CTNNA3: variants seen among roughly 807,000 people sequenced by gnomAD.
The protein encoded by CTNNA3 is catenin alpha-3.
A neutral mutation model predicts 95.7 loss-of-function variants in CTNNA3; 76 were observed. The observed-to-expected ratio is 0.79, with a 90% CI of 0.66 to 0.96. The LOEUF (loss-of-function observed/expected upper bound fraction) is 0.96, where lower values mean the gene tolerates loss of function less well. Among genes scored for constraint, CTNNA3 ranks in the 40% least tolerant of loss-of-function variants. The pLI is 0.00. For synonymous variants in CTNNA3, 431 were observed against 374.4 expected, an observed-to-expected ratio of 1.15 and a Z score of -1.74; for missense variants, 1,191 against 1,089.8, an observed-to-expected ratio of 1.09 and a Z score of -1.31.
intron 13 of CTNNA3, among the ~76,000 whole-genome samples, chr10:66,141,030 G>A (rs796237653): frequency 3.3e-5 from 5 of 152,050 alleles, no homozygotes; most frequent in African/African-American, 7.2e-5. Context: ...AGGCCGAGGC[G>A]GGAGGATCAC....
At chr10:67,530,195 G>A (rs1364017837) in intron 4 of CTNNA3, among the ~76,000 whole-genome samples, 3 of 152,138 alleles carry the variant, frequency 2.0e-5, no homozygotes, top group Admixed American at 6.5e-5. Flanking sequence ...AGTAGAGTGG[G>A]GTGCTGCTGT....
intron 1 of CTNNA3, among the ~76,000 whole-genome samples, chr10:67,741,174 G>A (rs1295354559): frequency 6.6e-6 from 1 of 150,900 alleles, no homozygotes; most frequent in Non-Finnish European, 1.5e-5. Context: ...TGGGGAGAGG[G>A]GGGAGAGATA....
At chr10:67,405,718 A>G (rs946662055) in intron 5 of CTNNA3, among the ~76,000 whole-genome samples, 4 of 152,208 alleles carry the variant, frequency 2.6e-5, no homozygotes, top group African/African-American at 9.6e-5. Flanking sequence ...AGATATCTAT[A>G]GAACTCTACA....
chr10:66,351,308 G>T (rs1204458090), intron 12 of CTNNA3, among the ~76,000 whole-genome samples: 2 of 151,994 alleles, frequency 1.3e-5, no homozygotes, highest in Non-Finnish European at 2.9e-5. Flanking sequence ...AACCCATGAG[G>T]TTGCTGTAAG....
chr10:67,309,278 A>C (rs1840685134), intron 5 of CTNNA3, among the ~76,000 whole-genome samples: 1 of 152,198 alleles, frequency 6.6e-6, no homozygotes, highest in African/African-American at 2.4e-5. Flanking sequence ...ACCAAGTAAA[A>C]AAATTATACT....
At chr10:66,339,999 T>C (rs6480160) in intron 12 of CTNNA3, among the ~76,000 whole-genome samples, 137,508 of 151,558 alleles carry the variant, frequency 0.91, 62,622 homozygotes, top group East Asian at 1. Context: ...GCATGATACT[T>C]ATTTGACTTC....
chr10:66,174,658 G>A lies in CTNNA3; in HGVS notation c.1885-71409C>T, dbSNP rs901335652. Among the ~76,000 whole-genome samples the A allele has an allele frequency of 6.6e-5, 10 of 151,902 alleles. No homozygotes were observed. The East Asian group carries it at 1.9e-3, about 29-fold the overall frequency. ...GTGAAACCTGATAGGATTCGATAGG[G>A]AGGGCTAATTTTTTGAATATACAGG... On this transcript the variant is annotated intron_variant, in intron 13 of 17. Coordinates refer to ENST00000433211, the MANE Select transcript of CTNNA3 (RefSeq NM_013266.4).
At chr10:66,958,689 C>T (rs1446605211) in intron 7 of CTNNA3, among the ~76,000 whole-genome samples, 2 of 152,050 alleles carry the variant, frequency 1.3e-5, no homozygotes, top group Non-Finnish European at 2.9e-5. Flanking sequence ...TGTTAAAATT[C>T]CAGCACCAGA....
At chr10:67,439,966 AG>A (rs1846438676) in intron 5 of CTNNA3, among the ~76,000 whole-genome samples, 1 of 152,180 alleles carries the variant, frequency 6.6e-6, no homozygotes, top group African/African-American at 2.4e-5. Context: ...GGAAACGTAA[AG>A]GGGGCTTTTT....
intron 13 of CTNNA3, among the ~76,000 whole-genome samples, chr10:66,142,593 T>C (rs142399192): frequency 9.9e-4 from 147 of 148,020 alleles, no homozygotes; most frequent in Non-Finnish European, 1.8e-3. Flanking sequence ...TTGGAAATAA[T>C]AGAGCCAGTT....
chr10:66,593,019 C>A (rs1843602831), intron 10 of CTNNA3, among the ~76,000 whole-genome samples: 1 of 152,108 alleles, frequency 6.6e-6, no homozygotes. Flanking sequence ...TTTTCAGAAT[C>A]ATGCCACTAA....
intron 11 of CTNNA3, among the ~76,000 whole-genome samples, chr10:66,507,225 C>G (rs1199081011): frequency 2.0e-5 from 3 of 151,838 alleles, no homozygotes; most frequent in Non-Finnish European, 4.4e-5. Flanking sequence ...TTCAATTTTA[C>G]TTGACACATA....
chr10:66,367,782 G>A (rs2092720749), intron 12 of CTNNA3, among the ~76,000 whole-genome samples: 1 of 147,966 alleles, frequency 6.8e-6, no homozygotes, highest in South Asian at 2.1e-4. Flanking sequence ...AGAGGATAGC[G>A]AATTGCTTTC....
chr10:67,612,752 G>A (rs181262532), intron 2 of CTNNA3, among the ~76,000 whole-genome samples: 1 of 152,212 alleles, frequency 6.6e-6, no homozygotes, highest in African/African-American at 2.4e-5. Context: ...CTAACCTGAA[G>A]CAGAAACCCA....
chr10:67,488,872 G>A (rs999303823), intron 5 of CTNNA3, among the ~76,000 whole-genome samples: 1 of 151,880 alleles, frequency 6.6e-6, no homozygotes, highest in Non-Finnish European at 1.5e-5. Context: ...GTTTTGCCAT[G>A]TTACCCAGGC....
At chr10:67,228,673 T>A (rs1325195976) in intron 5 of CTNNA3, among the ~76,000 whole-genome samples, 1 of 151,610 alleles carries the variant, frequency 6.6e-6, no homozygotes, top group Admixed American at 6.6e-5. Context: ...ATACAAAAGA[T>A]CATTCAAGGC....
At chr10:67,744,018 G>A (rs1841359181) in intron 1 of CTNNA3, among the ~76,000 whole-genome samples, 2 of 151,258 alleles carry the variant, frequency 1.3e-5, no homozygotes, top group South Asian at 2.1e-4. Flanking sequence ...CAAACAAATG[G>A]AAGAACATTC....
intron 13 of CTNNA3, among the ~76,000 whole-genome samples, chr10:66,162,895 G>T (rs1004101883): frequency 2.0e-5 from 3 of 151,812 alleles, no homozygotes; most frequent in Admixed American, 6.6e-5. Context: ...CAGCTGCTGT[G>T]GGGGGTGGGG....
chr10:67,703,960 C>G (rs1166345778), intron 1 of CTNNA3, among the ~76,000 whole-genome samples: 18 of 152,302 alleles, frequency 1.2e-4, no homozygotes, highest in African/African-American at 4.3e-4. Context: ...ACAAAAATCA[C>G]AAGCATTCTT....
Sources: gnomAD v4.1 joint callset for allele counts (sites outside exome capture counted in the v4.1 genomes callset) on GRCh38, gnomAD v4.1.1 for gene constraint, MANE v1.5 for transcripts, NCBI Gene and HGNC (gene_info 2026-07-23, HGNC 2026-07-21) for gene names.